The following NUDT2 variants were observed in gnomAD, a reference collection of about 807,000 sequenced individuals.
The protein encoded by NUDT2 is bis(5'-nucleosyl)-tetraphosphatase [asymmetrical].
Under a neutral mutation model 14.2 loss-of-function variants are expected in NUDT2, and 12 were observed. The observed-to-expected ratio is 0.84, with a 90% confidence interval of 0.54 to 1.37. The LOEUF is 1.37. Among genes scored for constraint, NUDT2 ranks in the 40% most tolerant of loss-of-function variants. The probability of loss-of-function intolerance (pLI) is 0.00; values close to 1 mark genes in which losing one functional copy is unlikely to be tolerated. For missense variants in NUDT2, 167 were observed against 176.7 expected (o/e 0.95, Z 0.31); for synonymous variants, 67 against 67.4 (o/e 0.99, Z 0.03).
At chr9:34,339,854 A>G (rs1208411426) in intron 4 of NUDT2, among the ~76,000 whole-genome samples, 3 of 151,920 alleles carry the variant, frequency 2.0e-5, no homozygotes, top group Non-Finnish European at 4.4e-5. Flanking sequence ...AGAAAATCCT[A>G]AGTTTTCTTC....
chr9:34,334,628 A>G (rs1239617432), intron 1 of NUDT2, among the ~76,000 whole-genome samples: 3 of 152,228 alleles, frequency 2.0e-5, no homozygotes. Context: ...GCCCCAGAAC[A>G]TACTCAAACA....
At chr9:34,341,583 C>T (rs879691445) in intron 4 of NUDT2, among the ~76,000 whole-genome samples, 4 of 152,226 alleles carry the variant, frequency 2.6e-5, no homozygotes, top group Non-Finnish European at 5.9e-5. Context: ...AATCTTGGCT[C>T]GCTGCAACCT....
chr9:34,337,426 T>C (rs1056429360), intron 2 of NUDT2, among the ~76,000 whole-genome samples: 1 of 152,242 alleles, frequency 6.6e-6, no homozygotes, highest in African/African-American at 2.4e-5. Context: ...TAAGGGGATA[T>C]GCTAATTTAC....
chr9:34,341,297 G>C (rs533365952), intron 4 of NUDT2, among the ~76,000 whole-genome samples: 1 of 152,304 alleles, frequency 6.6e-6, no homozygotes, highest in South Asian at 2.1e-4. Context: ...AGATGCCCCT[G>C]GGAGGGGTGT....
chr9:34,343,352 TGGA>T lies in NUDT2; in HGVS notation c.362_364del (p.Glu121del). 6.2e-7 allele frequency: 1 copy of T among 1,614,020 alleles called. No individual in the cohort carries two copies. The highest frequency in any genetic ancestry group is 1.6e-4 in the Middle Eastern group (1 of 6,062). On this transcript the variant is annotated inframe_deletion, in exon 5 of 5. Coordinates refer to ENST00000379158, the MANE Select transcript of NUDT2 (RefSeq NM_001161.5). ...CACCAAGCCTACCGCTGGCTGGGGC[TGGA>T]GGAGGCCTGCCAGTTGGCTCAGTTC...
intron 1 of NUDT2, among the ~76,000 whole-genome samples, chr9:34,332,476 C>A (rs1837970076): frequency 6.6e-6 from 1 of 152,190 alleles, no homozygotes; most frequent in African/African-American, 2.4e-5. Flanking sequence ...TCATATCTAT[C>A]TGTCAATCCT....
At position 34,338,830 on chromosome 9, in the gene NUDT2, C is replaced by T. The variant is rs988003900; in HGVS notation, c.-34C>T. ...TTGACTGAGGGTAGTTGCCAGGGTC[C>T]TGCAGTTATACACAAAGGTCAGTCT... is the stretch of plus-strand genomic sequence containing the variant. On this transcript the variant is annotated 5_prime_UTR_variant, in exon 3 of 5. Transcript: ENST00000379158. 2 of 436,978 alleles carry T rather than the reference C, an allele frequency of 4.6e-6. No homozygotes were observed. The highest frequency in any genetic ancestry group is 3.9e-5 in the African/African-American group (2 of 50,880). The allele number at this position is 436,978 out of a possible 1,614,324, so 27.1% of individuals were successfully genotyped here. A position where few individuals can be genotyped will look rare whatever the true frequency, so the allele number is the denominator to read the frequency against.
chr9:34,331,409 TTAAGTATCTTGCTC>T (rs796567999), intron 1 of NUDT2, among the ~76,000 whole-genome samples: 12 of 152,340 alleles, frequency 7.9e-5, no homozygotes, highest in African/African-American at 2.2e-4. Flanking sequence ...AATGAGGAAG[TTAAGTATCTTGCTC>T]TAAGTATCTT....
intron 1 of NUDT2, among the ~76,000 whole-genome samples, chr9:34,333,686 T>C (rs1054488751): frequency 1.5e-4 from 22 of 149,490 alleles, no homozygotes; most frequent in African/African-American, 5.4e-4. Context: ...CTGGGAATTT[T>C]GAAACTGGAA....
chr9:34,338,063 C>T (rs1424948060), intron 2 of NUDT2, among the ~76,000 whole-genome samples: 1 of 140,286 alleles, frequency 7.1e-6, no homozygotes, highest in Non-Finnish European at 1.5e-5. Flanking sequence ...AGGATGGTCT[C>T]AATCTCTTGA....
rs61594121 is a variant in NUDT2, at chr9:34,338,327, TAAA to T, written c.-151-358_-151-356del. Among the ~76,000 whole-genome samples the T allele has an allele frequency of 9.3e-3, 313 of 33,706 alleles. 2 individuals are homozygous for T. Among genetic ancestry groups the T allele is most frequent in the African/African-American group, 0.042 (249 of 5,948 alleles). The allele number at this position is 33,706 out of a possible 152,430, so 22.1% of individuals were successfully genotyped here. Reference sequence around the variant, plus strand: ...GGGCAATATAGTGAGACCCTGTCTCTAAAAAAAAAAAAAAAAAAAAAAAAAAAA... The same window carrying T: ...GGGCAATATAGTGAGACCCTGTCTCTAAAAAAAAAAAAAAAAAAAAAAAAA... On this transcript the variant is annotated intron_variant, in intron 2 of 4. Transcript: ENST00000379158.
intron 4 of NUDT2, among the ~76,000 whole-genome samples, chr9:34,342,636 A>G (rs10972067): frequency 0.22 from 33,942 of 151,958 alleles, 4,504 homozygotes; most frequent in East Asian, 0.61. Flanking sequence ...TCAAACCCCG[A>G]GAACTAGACA....
chr9:34,342,720 G>GA (rs1820223107), intron 4 of NUDT2, among the ~76,000 whole-genome samples: 2 of 152,010 alleles, frequency 1.3e-5, no homozygotes, highest in Non-Finnish European at 2.9e-5. Flanking sequence ...GCAACACCTA[G>GA]AAAAGTCACT....
rs202245088 is a variant in NUDT2, at chr9:34,339,150, C to T, written c.111C>T (p.His37=). The T allele has an allele frequency of 5.0e-6, 8 of 1,613,790 alleles. No homozygotes were observed. The East Asian group carries it at 1.8e-4, about 36-fold the overall frequency. ...TGCAGGCATCAGATGGCATTCATCA[C>T]TGGACTCCTCCCAAAGGTAGAGGCC... ...LLLQASDGIH[H]WTPPKGHVEP... is the part of the protein sequence containing the mutation. Residue 37 remains histidine, a synonymous_variant, in exon 4 of 5, where the codon CAC becomes CAT. Transcript: ENST00000379158.
At chr9:34,335,121 GC>G (rs1218645529) in intron 1 of NUDT2, among the ~76,000 whole-genome samples, 3 of 152,338 alleles carry the variant, frequency 2.0e-5, no homozygotes, top group African/African-American at 7.2e-5. Context: ...TGTGCAGTCA[GC>G]TCTGTAGCAG....
intron 3 of NUDT2, 64 bp downstream of exon 3, chr9:34,338,911 A>C: frequency 1.2e-6 from 1 of 849,224 alleles, no homozygotes; most frequent in Non-Finnish European, 1.8e-6. Context: ...TCTGTGGGCT[A>C]TGAGATCACA....
rs61594121 is a variant in NUDT2, at chr9:34,338,327, T to TAAAAAAAAAAAAAAA, written c.-151-370_-151-356dup. Among the ~76,000 whole-genome samples, 54 of 33,736 alleles carry TAAAAAAAAAAAAAAA rather than the reference T, an allele frequency of 1.6e-3. 10 individuals carry two copies. Among genetic ancestry groups the TAAAAAAAAAAAAAAA allele is most frequent in the African/African-American group, 8.4e-3 (50 of 5,974 alleles). 22.1% of individuals were successfully genotyped at this position (33,736 alleles called of 152,430 possible). ...GGGCAATATAGTGAGACCCTGTCTC[T>TAAAAAAAAAAAAAAA]AAAAAAAAAAAAAAAAAAAAAAAAA... is the stretch of plus-strand genomic sequence containing the variant. On this transcript the variant is annotated intron_variant, in intron 2 of 4. Transcript: ENST00000379158.
intron 4 of NUDT2, among the ~76,000 whole-genome samples, chr9:34,342,422 C>A (rs1393142693): frequency 2.0e-5 from 3 of 152,148 alleles, no homozygotes; most frequent in South Asian, 4.1e-4. Flanking sequence ...GGACTTCCCC[C>A]TCCTTGGAAA....
chr9:34,339,237 C>T lies in NUDT2; in HGVS notation c.127+71C>T, dbSNP rs1255621433. 8 of 1,568,352 alleles carry T rather than the reference C, an allele frequency of 5.1e-6. No homozygotes were observed. In the South Asian group the frequency reaches 5.7e-5, roughly 11 times the overall value. On this transcript the variant is annotated intron_variant, in intron 4 of 4. Transcript: ENST00000379158. ...TCAGAAATCTACCCTGCCAGGCCCT[C>T]CCCAAGGCTTAATTCCCAGTGACTG... is the stretch of plus-strand genomic sequence containing the variant.
Sources: gnomAD v4.1 joint callset for allele counts (sites outside exome capture counted in the v4.1 genomes callset) on GRCh38, gnomAD v4.1.1 for gene constraint, MANE v1.5 for transcripts, NCBI Gene and HGNC (gene_info 2026-07-23, HGNC 2026-07-21) for gene names.